Variants in ATP10B observed in about 807,000 individuals in gnomAD.
ATP10B encodes the protein ATPase phospholipid transporting 10B (putative).
In ATP10B, 122 loss-of-function variants were observed where a neutral mutation model predicts 141.2. That is an observed-to-expected ratio of 0.86 (90% CI 0.75 to 1.00). ATP10B has a LOEUF of 1.00. Ranked by LOEUF, ATP10B falls within the 50% of genes least tolerant of loss-of-function variation. The pLI is 0.00. For missense variants in ATP10B, 1,876 were observed against 1,825.3 expected, an observed-to-expected ratio of 1.03 and a Z score of -0.51; for synonymous variants, 685 against 692.0, an observed-to-expected ratio of 0.99 and a Z score of 0.16.
In ATP10B at chr5:160,644,182, G is replaced by A; in HGVS notation, c.824C>T (p.Thr275Ile). 1.2e-6 allele frequency: 2 copies of A among 1,613,924 alleles called. No homozygotes were observed. The highest frequency in any genetic ancestry group is 1.7e-6 in the Non-Finnish European group (2 of 1,179,910). Residue 275 changes from threonine (T) to isoleucine (I), a missense_variant, in exon 9 of 26, where the codon ACC becomes ATC. Coordinates refer to ENST00000327245, the MANE Select transcript of ATP10B (RefSeq NM_025153.3). ...AACAGCCATCTCGGTGTTTCTGATG[G>A]TGCAGCCTCGAAGCAGAAGACTCTC... Reference protein sequence around the residue: ...GCESLLLRGCTIRNTEMAVGI... With the variant: ...GCESLLLRGCIIRNTEMAVGI...
chr5:160,722,600 C>T (rs981786390), intron 2 of ATP10B, among the ~76,000 whole-genome samples: 1 of 152,088 alleles, frequency 6.6e-6, no homozygotes, highest in East Asian at 1.9e-4. Context: ...GCACAGAAAA[C>T]AGGACTTGCC....
intron 24 of ATP10B, among the ~76,000 whole-genome samples, chr5:160,585,728 A>T (rs1341268947): frequency 6.6e-6 from 1 of 152,122 alleles, no homozygotes; most frequent in African/African-American, 2.4e-5. Context: ...AGTCTGCCCT[A>T]CCCCGCAGGA....
intron 7 of ATP10B, among the ~76,000 whole-genome samples, chr5:160,666,083 A>G (rs1561724217): frequency 6.6e-6 from 1 of 152,216 alleles, no homozygotes; most frequent in Non-Finnish European, 1.5e-5. Context: ...CAATGCATGT[A>G]AAAGAACTAG....
intron 1 of ATP10B, among the ~76,000 whole-genome samples, chr5:160,808,644 G>A (rs1157792072): frequency 6.6e-6 from 1 of 152,088 alleles, no homozygotes; most frequent in Non-Finnish European, 1.5e-5. Context: ...TGGTATGACT[G>A]GATCTTTCTT....
chr5:160,644,068 G>T, intron 9 of ATP10B, 70 bp downstream of exon 9: 2 of 1,278,086 alleles, frequency 1.6e-6, no homozygotes, highest in South Asian at 1.2e-5. Flanking sequence ...GGTTCCCATT[G>T]ACTGAAGATG....
chr5:160,565,860 G>A lies in ATP10B; in HGVS notation c.3979C>T (p.Leu1327=). ...LSLQGTCGKS[L]ISKAQKIDKL... is the part of the protein sequence containing the mutation. ...TCAATTTTCTGAGCTTTTGAGATTA[G>A]AGACTTCCCACAAGTTCCTTGCAGA... Residue 1327 remains leucine (L), a synonymous_variant, in exon 26 of 26, where the codon CTA becomes TTA. Transcript: ENST00000327245. 6.2e-7 allele frequency: 1 copy of A among 1,613,668 alleles called. No individual in the cohort carries two copies. Among genetic ancestry groups the A allele is most frequent in the Non-Finnish European group, 8.5e-7 (1 of 1,179,898 alleles).
In ATP10B at chr5:160,620,576, G is replaced by T. The variant is rs761911543; in HGVS notation, c.2187C>A (p.His729Gln). ...AESPDEAALVHAAHAYSFTLV... is the reference protein window; with the variant it reads ...AESPDEAALVQAAHAYSFTLV... Reference sequence around the variant, plus strand: ...GTGTGAAGCTGTAGGCATGGGCAGCGTGCACCAGGGCGGCCTCATCAGGGC... The same window carrying T: ...GTGTGAAGCTGTAGGCATGGGCAGCTTGCACCAGGGCGGCCTCATCAGGGC... The change falls in exon 15 of 26, where the codon CAC (histidine) becomes CAA (glutamine). Residue 729 changes from histidine to glutamine, a missense_variant. By Grantham distance (24) the His-to-Gln change is conservative (BLOSUM62 0). Transcript: ENST00000327245. The T allele has an allele frequency of 1.2e-6, 2 of 1,613,846 alleles. No homozygotes were observed. The highest frequency in any genetic ancestry group is 1.3e-5 in the African/African-American group (1 of 75,052).
chr5:160,898,025 T>C, the ATP10B span, among the ~76,000 whole-genome samples: 1 of 152,182 alleles, frequency 6.6e-6, no homozygotes, highest in Non-Finnish European at 1.5e-5. Flanking sequence ...CCTTACATCT[T>C]ATACAAAAAC....
At chr5:160,692,199 C>T (rs1764113331) in intron 3 of ATP10B, among the ~76,000 whole-genome samples, 1 of 151,960 alleles carries the variant, frequency 6.6e-6, no homozygotes, top group South Asian at 2.1e-4. Context: ...GATGAGCTTC[C>T]TTAAAAGTAA....
At chr5:160,763,673 C>T (rs980287264) in intron 2 of ATP10B, among the ~76,000 whole-genome samples, 1 of 151,954 alleles carries the variant, frequency 6.6e-6, no homozygotes, top group Non-Finnish European at 1.5e-5. Flanking sequence ...AAGAACAAAC[C>T]AAACCCAAAC....
intron 2 of ATP10B, among the ~76,000 whole-genome samples, chr5:160,751,172 C>T (rs1372421264): frequency 6.6e-6 from 1 of 152,188 alleles, no homozygotes; most frequent in African/African-American, 2.4e-5. Flanking sequence ...AGTGGACACT[C>T]AATACATATT....
intron 3 of ATP10B, among the ~76,000 whole-genome samples, chr5:160,691,305 T>C (rs1380103478): frequency 2.0e-5 from 3 of 152,116 alleles, no homozygotes; most frequent in Admixed American, 6.5e-5. Flanking sequence ...GGTATACTTA[T>C]GTACACAAAC....
chr5:160,602,585 T>C lies in ATP10B; in HGVS notation c.3355A>G (p.Lys1119Glu). 6.2e-7 allele frequency: 1 copy of C among 1,613,796 alleles called. No individual in the cohort carries two copies. The highest frequency in any genetic ancestry group is 8.5e-7 in the Non-Finnish European group (1 of 1,179,820). Residue 1119 changes from lysine to glutamate, a missense_variant, in exon 21 of 26, where the codon AAG (lysine) becomes GAG (glutamate). By Grantham distance (56) the Lys-to-Glu change is moderately conservative. Coordinates refer to ENST00000327245, the MANE Select transcript of ATP10B (RefSeq NM_025153.3). ...CGCCATAGGCTACTTACCACGTTCT[T>C]GTAGAGGTAGTACACCACCATCCTG... ...LARMVVYYLY[K>E]NVCYVNLLFW...
intron 1 of ATP10B, among the ~76,000 whole-genome samples, chr5:160,792,312 A>T (rs1771633171): frequency 6.6e-6 from 1 of 152,146 alleles, no homozygotes; most frequent in African/African-American, 2.4e-5. Flanking sequence ...AGAGAATGTG[A>T]TCTTGTTCCC....
the ATP10B span, among the ~76,000 whole-genome samples, chr5:160,862,902 C>T: frequency 6.6e-6 from 1 of 151,950 alleles, no homozygotes; most frequent in Admixed American, 6.6e-5. Context: ...TACTTGTTAG[C>T]CAAAAATGTA....
chr5:160,653,648 T>C (rs1388229860), intron 7 of ATP10B, among the ~76,000 whole-genome samples: 80 of 79,366 alleles, frequency 1.0e-3, no homozygotes, highest in African/African-American at 3.9e-3. Flanking sequence ...ACATATATAT[T>C]ATATATACAT....
At chr5:160,869,233 C>A in the ATP10B span, among the ~76,000 whole-genome samples, 1 of 152,110 alleles carries the variant, frequency 6.6e-6, no homozygotes, top group South Asian at 2.1e-4. Context: ...TTACCACACT[C>A]TGCCCAACTC....
At chr5:160,784,073 G>A (rs987331264) in intron 2 of ATP10B, among the ~76,000 whole-genome samples, 4 of 152,046 alleles carry the variant, frequency 2.6e-5, no homozygotes, top group South Asian at 2.1e-4. Context: ...TCAAAGCTTC[G>A]AAGCCCAAGT....
chr5:160,617,765 A>C (rs1758104478), intron 16 of ATP10B, 99 bp downstream of exon 16: 1 of 1,041,858 alleles, frequency 9.6e-7, no homozygotes, highest in East Asian at 2.4e-5. Flanking sequence ...ATGTTAAAAC[A>C]ACCACCTCTA....
Sources: gnomAD v4.1 joint callset for allele counts (sites outside exome capture counted in the v4.1 genomes callset) on GRCh38, gnomAD v4.1.1 for gene constraint, MANE v1.5 for transcripts, NCBI Gene and HGNC (gene_info 2026-07-23, HGNC 2026-07-21) for gene names.